Variants in KCNB2 observed in about 807,000 individuals in gnomAD.
KCNB2 encodes delayed rectifier potassium channel protein.
Under a neutral mutation model 61.5 loss-of-function variants are expected in KCNB2, and 15 were observed. That is an observed-to-expected ratio of 0.24 (90% CI 0.16 to 0.38). The LOEUF is 0.38. Among genes scored for constraint, KCNB2 ranks in the 10% least tolerant of loss-of-function variants. The pLI is 1.00. For synonymous variants in KCNB2, 457 were observed against 446.0 expected (o/e 1.02, Z -0.31); for missense variants, 828 against 1,125.2 (o/e 0.74, Z 3.78).
intron 2 of KCNB2, among the ~76,000 whole-genome samples, chr8:72,821,630 ACAAAAAAAAAC>A (rs1809509688): frequency 2.7e-5 from 2 of 75,402 alleles, no homozygotes; most frequent in Admixed American, 1.5e-4. Flanking sequence ...ACACACACAC[ACAAAAAAAAAC>A]AAAAAAAAAA....
intron 2 of KCNB2, among the ~76,000 whole-genome samples, chr8:72,615,368 A>G (rs1805602387): frequency 6.6e-6 from 1 of 152,228 alleles, no homozygotes; most frequent in African/African-American, 2.4e-5. Flanking sequence ...ACTGAGGGGC[A>G]TACGAGGCAC....
At chr8:72,571,185 C>T (rs1021317816) in intron 2 of KCNB2, among the ~76,000 whole-genome samples, 4 of 152,154 alleles carry the variant, frequency 2.6e-5, no homozygotes, top group African/African-American at 9.7e-5. Flanking sequence ...ATAAAATACT[C>T]AATAATCAGT....
At chr8:72,546,109 A>G (rs1806254113) in intron 1 of KCNB2, among the ~76,000 whole-genome samples, 1 of 152,164 alleles carries the variant, frequency 6.6e-6, no homozygotes, top group Non-Finnish European at 1.5e-5. Flanking sequence ...CTTAGAAGAA[A>G]TTCTTTGTTC....
chr8:72,554,064 A>C (rs564695322), intron 1 of KCNB2, among the ~76,000 whole-genome samples: 121 of 152,250 alleles, frequency 7.9e-4, no homozygotes, highest in Non-Finnish European at 1.4e-3. Flanking sequence ...CTTTTACAGC[A>C]ATACATTTAA....
chr8:72,593,806 C>A (rs989310881), intron 2 of KCNB2, among the ~76,000 whole-genome samples: 3 of 152,164 alleles, frequency 2.0e-5, no homozygotes, highest in Non-Finnish European at 4.4e-5. Flanking sequence ...ATGATAGAAT[C>A]TGCTGGGTTA....
intron 2 of KCNB2, among the ~76,000 whole-genome samples, chr8:72,725,611 A>G (rs1412346028): frequency 7.5e-5 from 10 of 133,996 alleles, no homozygotes; most frequent in African/African-American, 2.4e-4. Flanking sequence ...ATATATATAT[A>G]TATATATATA....
intron 2 of KCNB2, among the ~76,000 whole-genome samples, chr8:72,752,714 T>C (rs1377404406): frequency 6.6e-6 from 1 of 152,238 alleles, no homozygotes; most frequent in African/African-American, 2.4e-5. Context: ...TTATTTTATA[T>C]GCATATATCG....
intron 2 of KCNB2, among the ~76,000 whole-genome samples, chr8:72,691,866 T>C (rs1158554473): frequency 4.6e-5 from 7 of 152,194 alleles, no homozygotes; most frequent in Admixed American, 3.3e-4. Flanking sequence ...CAGTGATTTG[T>C]GATGAGATAA....
chr8:72,575,184 GGA>G (rs1482699885), intron 2 of KCNB2, among the ~76,000 whole-genome samples: 2 of 152,110 alleles, frequency 1.3e-5, no homozygotes, highest in Admixed American at 6.6e-5. Context: ...GATTCCTCAA[GGA>G]GATGGTCGCT....
intron 1 of KCNB2, among the ~76,000 whole-genome samples, chr8:72,545,044 T>A (rs905220112): frequency 6.6e-6 from 1 of 152,134 alleles, no homozygotes; most frequent in African/African-American, 2.4e-5. Context: ...AAGCATAGAT[T>A]TTGCTAAACA....
At chr8:72,795,245 C>T (rs1585897713) in intron 2 of KCNB2, among the ~76,000 whole-genome samples, 1 of 152,274 alleles carries the variant, frequency 6.6e-6, no homozygotes, top group Non-Finnish European at 1.5e-5. Flanking sequence ...ATAAATTTTA[C>T]GTATTTTCTA....
At chr8:72,570,035 A>G (rs1806685609) in intron 2 of KCNB2, among the ~76,000 whole-genome samples, 1 of 152,160 alleles carries the variant, frequency 6.6e-6, no homozygotes, top group Non-Finnish European at 1.5e-5. Flanking sequence ...CAAGGATAGA[A>G]TAAGGTCAAC....
intron 1 of KCNB2, among the ~76,000 whole-genome samples, chr8:72,561,501 C>T (rs912097213): frequency 1.6e-4 from 24 of 150,498 alleles, no homozygotes; most frequent in Non-Finnish European, 5.9e-5. Flanking sequence ...CCTTTGATTG[C>T]AGAAAAGAAA....
At chr8:72,840,434 G>A (rs1326125357) in intron 2 of KCNB2, among the ~76,000 whole-genome samples, 1 of 152,174 alleles carries the variant, frequency 6.6e-6, no homozygotes, top group East Asian at 1.9e-4. Flanking sequence ...CCAGCAATGG[G>A]ATTGCTGGGT....
At chr8:72,824,430 T>G (rs1809564029) in intron 2 of KCNB2, among the ~76,000 whole-genome samples, 1 of 151,920 alleles carries the variant, frequency 6.6e-6, no homozygotes, top group Admixed American at 6.6e-5. Context: ...AGTGGCCAGG[T>G]GTCACTTCCC....
At chr8:72,662,889 A>G (rs16938280) in intron 2 of KCNB2, among the ~76,000 whole-genome samples, 3,838 of 152,322 alleles carry the variant, frequency 0.025, 67 homozygotes, top group South Asian at 0.073. Context: ...CAAGGAAAGC[A>G]TGATTTTCAG....
chr8:72,768,264 T>C (rs1234362800), intron 2 of KCNB2, among the ~76,000 whole-genome samples: 3 of 151,966 alleles, frequency 2.0e-5, no homozygotes, highest in Non-Finnish European at 4.4e-5. Flanking sequence ...TCAACCTCCA[T>C]CTCCCAGGCT....
intron 2 of KCNB2, among the ~76,000 whole-genome samples, chr8:72,785,363 C>T (rs941445248): frequency 2.0e-5 from 3 of 152,122 alleles, no homozygotes; most frequent in South Asian, 4.1e-4. Flanking sequence ...GAATTGCCTA[C>T]GTTTGTGTTA....
At chr8:72,687,678 T>A (rs1806873408) in intron 2 of KCNB2, among the ~76,000 whole-genome samples, 1 of 152,208 alleles carries the variant, frequency 6.6e-6, no homozygotes, top group Admixed American at 6.5e-5. Context: ...AAACTAAAAT[T>A]TTGTTTCTGT....
Sources: gnomAD v4.1 joint callset for allele counts (sites outside exome capture counted in the v4.1 genomes callset) on GRCh38, gnomAD v4.1.1 for gene constraint, MANE v1.5 for transcripts, NCBI Gene and HGNC (gene_info 2026-07-23, HGNC 2026-07-21) for gene names.